The following CTPS2 variants were observed in gnomAD, a reference collection of about 807,000 sequenced individuals.
CTPS2 encodes the protein CTP synthase II.
A neutral mutation model predicts 46.8 loss-of-function variants in CTPS2; 19 were observed. The observed-to-expected ratio is 0.41, with a 90% CI of 0.28 to 0.60. CTPS2 has a LOEUF of 0.60. Ranked by LOEUF, CTPS2 falls within the 20% of genes least tolerant of loss-of-function variation. The probability of loss-of-function intolerance (pLI) is 0.35; values close to 1 mark genes in which losing one functional copy is unlikely to be tolerated. For synonymous variants in CTPS2, 151 were observed against 165.2 expected (o/e 0.91, Z 0.66); for missense variants, 286 against 447.6 (o/e 0.64, Z 3.26).
rs759993937 is a variant in CTPS2, at chrX:16,588,474, G to C, written c.*1343C>G. 1 of 111,637 alleles carries C rather than the reference G, an allele frequency of 9.0e-6. No homozygotes were observed. The highest frequency in any genetic ancestry group is 3.3e-5 in the African/African-American group (1 of 30,717). 9.2% of individuals were successfully genotyped at this position (111,637 alleles called of 1,213,427 possible). A position where few individuals can be genotyped will look rare whatever the true frequency, so the allele number is the denominator to read the frequency against. ...TAAAGCCTCGAGGTTAGCAGGTATG[G>C]TGTCAATGAGGTAGTAGTATGGGTT... On this transcript the variant is annotated 3_prime_UTR_variant, in exon 19 of 19. Transcript: ENST00000359276.
chrX:16,700,045 G>A (rs900072236), intron 2 of CTPS2, among the ~76,000 whole-genome samples: 1 of 107,738 alleles, frequency 9.3e-6, no homozygotes, highest in African/African-American at 3.4e-5. Context: ...CAATTCTCAT[G>A]TCTCAGCTTC....
intron 14 of CTPS2, among the ~76,000 whole-genome samples, chrX:16,624,890 A>C (rs1279837356): frequency 6.2e-5 from 7 of 112,515 alleles, no homozygotes; most frequent in Non-Finnish European, 7.5e-5. Flanking sequence ...GACACCAAAA[A>C]TGTGGATAAA....
chrX:16,610,919 A>G (rs1205310066), intron 16 of CTPS2, among the ~76,000 whole-genome samples: 4 of 112,201 alleles, frequency 3.6e-5, no homozygotes, highest in Non-Finnish European at 7.5e-5. Flanking sequence ...CATTATTCTA[A>G]ACGAATTAAC....
chrX:16,666,090 G>T (rs948363135), intron 13 of CTPS2, among the ~76,000 whole-genome samples: 13 of 112,345 alleles, frequency 1.2e-4, no homozygotes, highest in African/African-American at 4.2e-4. Flanking sequence ...TGTGGTATAT[G>T]AATTGTATCT....
intron 5 of CTPS2, 55 bp from the exon 6 acceptor site, chrX:16,693,279 T>A: frequency 1.9e-6 from 2 of 1,077,534 alleles, no homozygotes; most frequent in Non-Finnish European, 1.3e-6. Context: ...TATGGATGAT[T>A]AATGGTGCCC....
chrX:16,704,226 C>G (rs1167032926), intron 1 of CTPS2, among the ~76,000 whole-genome samples: 1 of 111,857 alleles, frequency 8.9e-6, no homozygotes, highest in Non-Finnish European at 1.9e-5. Context: ...GCGTGAGCTA[C>G]CACGCCCGGC....
chrX:16,596,639 T>A (rs1282926345), intron 17 of CTPS2, among the ~76,000 whole-genome samples: 1 of 110,681 alleles, frequency 9.0e-6, no homozygotes, highest in African/African-American at 3.3e-5. Flanking sequence ...CTGTGAATAG[T>A]GCCGCAATAA....
chrX:16,596,542 A>G (rs200646983), intron 17 of CTPS2, among the ~76,000 whole-genome samples: 8,398 of 109,582 alleles, frequency 0.077, 606 homozygotes, highest in African/African-American at 0.21. Context: ...TTATGGCTGC[A>G]TAGTATTCCA....
rs756952989 is a variant in CTPS2 at position 16,613,896 on chromosome X, G to C, written c.1546+3254C>G. ...GTGAGCCACTGCACCTGGCTCTCCA[G>C]GGGCATTTGATGATGTCTGGAGATA... On this transcript the variant is annotated intron_variant, in intron 16 of 18. Transcript: ENST00000359276. Among the ~76,000 whole-genome samples, 162 of 111,434 alleles carry C rather than the reference G, an allele frequency of 1.5e-3. 1 individual carries two copies. The highest frequency in any genetic ancestry group is 5.2e-3 in the African/African-American group (158 of 30,679).
chrX:16,656,559 G>A (rs1020745395), intron 13 of CTPS2, among the ~76,000 whole-genome samples: 6 of 111,099 alleles, frequency 5.4e-5, no homozygotes, highest in African/African-American at 2.0e-4. Context: ...ACAGGTGCCC[G>A]CCACCACGCC....
intron 10 of CTPS2, among the ~76,000 whole-genome samples, chrX:16,674,620 C>T (rs12395498): frequency 0.11 from 11,484 of 105,413 alleles, 890 homozygotes; most frequent in African/African-American, 0.27. Flanking sequence ...GGGCAGATCA[C>T]GAGGTCAGGA....
At chrX:16,686,344 C>A (rs1046749358) in intron 8 of CTPS2, among the ~76,000 whole-genome samples, 1 of 111,574 alleles carries the variant, frequency 9.0e-6, no homozygotes, top group African/African-American at 3.3e-5. Flanking sequence ...ATGTACCCTA[C>A]AAATATATAC....
At position 16,672,143 on chromosome X, in the gene CTPS2, T is replaced by C. The variant is rs186776918; in HGVS notation, c.1095-1469A>G. Among the ~76,000 whole-genome samples the C allele has an allele frequency of 3.6e-5, 4 of 111,453 alleles. No homozygotes were observed. In the East Asian group the frequency reaches 1.1e-3, roughly 32 times the overall value. ...TCTCTGCTAAGAATAGGTTTGGCAC[T>C]ATGGGATGTTAATTGCTATTCTCTT... On this transcript the variant is annotated intron_variant, in intron 10 of 18. Coordinates refer to ENST00000359276, the MANE Select transcript of CTPS2 (RefSeq NM_175859.3).
At chrX:16,691,402 A>T (rs1429794739) in intron 7 of CTPS2, 138 bp downstream of exon 7, 1 of 507,714 alleles carries the variant, frequency 2.0e-6, no homozygotes, top group Non-Finnish European at 3.5e-6. Flanking sequence ...CTTAAGGGCT[A>T]GGGAATCATG....
intron 4 of CTPS2, among the ~76,000 whole-genome samples, chrX:16,697,616 G>C (rs187681125): frequency 2.2e-3 from 237 of 108,322 alleles, no homozygotes; most frequent in Non-Finnish European, 3.8e-3. Context: ...GCTAATCTTT[G>C]TAGTCTCTGT....
intron 17 of CTPS2, among the ~76,000 whole-genome samples, chrX:16,600,218 C>G (rs749414521): frequency 4.5e-5 from 5 of 112,046 alleles, no homozygotes; most frequent in Non-Finnish European, 9.4e-5. Flanking sequence ...ATATAGCCCA[C>G]CTTTACGCTA....
At chrX:16,706,566 A>C (rs1362100649) in intron 1 of CTPS2, among the ~76,000 whole-genome samples, 2 of 111,453 alleles carry the variant, frequency 1.8e-5, no homozygotes, top group East Asian at 5.6e-4. Flanking sequence ...TCTACTAAAA[A>C]ATACAAAAGT....
chrX:16,602,103 A>G (rs1929703098), intron 17 of CTPS2, among the ~76,000 whole-genome samples: 1 of 111,876 alleles, frequency 8.9e-6, no homozygotes, highest in Non-Finnish European at 1.9e-5. Context: ...GCCAGGTCAC[A>G]CTGTGTGGGT....
intron 11 of CTPS2, 62 bp downstream of exon 11, chrX:16,670,518 C>T (rs1921657025): frequency 2.3e-6 from 2 of 856,519 alleles, no homozygotes; most frequent in African/African-American, 2.0e-5. Flanking sequence ...TTTAGTGTTA[C>T]CCCTCCTAGG....
Sources: gnomAD v4.1 joint callset for allele counts (sites outside exome capture counted in the v4.1 genomes callset) on GRCh38, gnomAD v4.1.1 for gene constraint, MANE v1.5 for transcripts, NCBI Gene and HGNC (gene_info 2026-07-23, HGNC 2026-07-21) for gene names.